NBEA: variants seen among roughly 807,000 people sequenced by gnomAD.
The protein encoded by NBEA is neurobeachin.
Under a neutral mutation model 343.4 loss-of-function variants are expected in NBEA, and 44 were observed. That is an observed-to-expected ratio of 0.13 (90% CI 0.10 to 0.16). The LOEUF is 0.16. NBEA is among the 10% of genes least tolerant of loss of function. The pLI is 1.00. For missense variants in NBEA, 2,555 were observed against 3,631.3 expected, an observed-to-expected ratio of 0.70 and a Z score of 7.62; for synonymous variants, 1,175 against 1,238.7, an observed-to-expected ratio of 0.95 and a Z score of 1.08.
At chr13:35,083,927 C>G (rs1395114592) in intron 10 of NBEA, among the ~76,000 whole-genome samples, 1 of 152,122 alleles carries the variant, frequency 6.6e-6, no homozygotes, top group African/African-American at 2.4e-5. Flanking sequence ...GATTGTGATC[C>G]TAGTCTCTGA....
Position 35,566,387 on chromosome 13 carries a change from A to G in NBEA, c.6923-518A>G, listed in dbSNP as rs576668082. ...AAATAAATAAATAAATAAATAAAAGATAAAATAGAATACCACCACATAAGC... is the reference window on the plus strand; with the variant it reads ...AAATAAATAAATAAATAAATAAAAGGTAAAATAGAATACCACCACATAAGC... On this transcript the variant is annotated intron_variant, in intron 44 of 58. Transcript: ENST00000379939. Among the ~76,000 whole-genome samples the G allele has an allele frequency of 9.8e-4, 149 of 152,224 alleles. 1 individual carries two copies. The highest frequency in any genetic ancestry group is 3.4e-3 in the African/African-American group (142 of 41,548).
chr13:35,320,577 G>A (rs570638660), intron 36 of NBEA, among the ~76,000 whole-genome samples: 1 of 152,092 alleles, frequency 6.6e-6, no homozygotes, highest in African/African-American at 2.4e-5. Flanking sequence ...TGTGTCTTGG[G>A]GTTGCTCTTC....
chr13:35,059,627 TG>T (rs2063392005), intron 8 of NBEA, among the ~76,000 whole-genome samples: 1 of 151,778 alleles, frequency 6.6e-6, no homozygotes, highest in Admixed American at 6.6e-5. Flanking sequence ...GGTTTTTTAT[TG>T]AACTCAATTT....
At chr13:35,184,103 G>T in intron 30 of NBEA, 32 bp downstream of exon 30, 1 of 1,460,778 alleles carries the variant, frequency 6.8e-7, no homozygotes, top group Non-Finnish European at 9.5e-7. Context: ...GACCTGTTTG[G>T]GTATTCTTAT....
In NBEA at chr13:35,667,514, A is replaced by G. The variant is rs950319135; in HGVS notation, c.8605A>G (p.Asn2869Asp). The G allele has an allele frequency of 3.7e-6, 6 of 1,613,900 alleles. No individual in the cohort carries two copies. In the African/African-American group the frequency reaches 8.0e-5, roughly 22 times the overall value. ...ATACTATGAACGAGGGCGATTCAGT[A>G]ATTTCAGCATTAATGGGAAACTTTT... ...IIYYERGRFSNFSINGKLLAQ... is the reference protein window; with the variant it reads ...IIYYERGRFSDFSINGKLLAQ... The change falls in exon 57 of 59, where the codon AAT (asparagine) becomes GAT (aspartate). Residue 2869 changes from asparagine (N) to aspartate (D), a missense_variant. Transcript: ENST00000379939.
At chr13:35,342,528 A>G (rs1594284689) in intron 36 of NBEA, among the ~76,000 whole-genome samples, 1 of 152,056 alleles carries the variant, frequency 6.6e-6, no homozygotes, top group Admixed American at 6.6e-5. Flanking sequence ...TACAAGGAGA[A>G]AAGTATGCAA....
chr13:34,981,471 C>G (rs1258134184), intron 1 of NBEA, among the ~76,000 whole-genome samples: 1 of 152,134 alleles, frequency 6.6e-6, no homozygotes, highest in African/African-American at 2.4e-5. Flanking sequence ...AGTGATTATA[C>G]CACTTTACAT....
chr13:35,347,345 G>GA (rs1294541246), intron 36 of NBEA, among the ~76,000 whole-genome samples: 2 of 151,766 alleles, frequency 1.3e-5, no homozygotes, highest in Non-Finnish European at 2.9e-5. Context: ...AATGAGCAGT[G>GA]AAAAAAAGTA....
At chr13:35,219,678 G>A (rs1160196158) in intron 33 of NBEA, among the ~76,000 whole-genome samples, 1 of 152,118 alleles carries the variant, frequency 6.6e-6, no homozygotes, top group Non-Finnish European at 1.5e-5. Context: ...AAAGTACCAA[G>A]GTCGGAGAAC....
At chr13:35,536,082 A>G (rs1422705785) in intron 41 of NBEA, among the ~76,000 whole-genome samples, 1 of 152,196 alleles carries the variant, frequency 6.6e-6, no homozygotes, top group African/African-American at 2.4e-5. Flanking sequence ...AACCCCAAGC[A>G]TGCACCTGTG....
rs1272272655 is a variant in NBEA at position 35,171,468 on chromosome 13, C to A, written c.4423+16C>A. On this transcript the variant is annotated intron_variant, in intron 26 of 58. Transcript: ENST00000379939. Reference sequence around the variant, plus strand: ...CTAAGATTAGGTAAGTCTGTTAAAACAATAGTGCATGTCAAATAATTATCT... The same window carrying A: ...CTAAGATTAGGTAAGTCTGTTAAAAAAATAGTGCATGTCAAATAATTATCT... The A allele has an allele frequency of 2.5e-6, 4 of 1,592,322 alleles. No individual in the cohort carries two copies. The highest frequency in any genetic ancestry group is 1.1e-5 in the South Asian group (1 of 88,486).
At chr13:35,391,906 C>T (rs2042517274) in intron 38 of NBEA, among the ~76,000 whole-genome samples, 1 of 152,038 alleles carries the variant, frequency 6.6e-6, no homozygotes. Context: ...GTTTTCTATA[C>T]AACTGAATTT....
intron 10 of NBEA, among the ~76,000 whole-genome samples, chr13:35,085,528 C>G (rs2064703455): frequency 6.6e-6 from 1 of 152,074 alleles, no homozygotes; most frequent in South Asian, 2.1e-4. Context: ...TGACAAAATT[C>G]AACAACCTTC....
intron 28 of NBEA, chr13:35,179,783 G>A: frequency 3.0e-6 from 3 of 984,762 alleles, no homozygotes; most frequent in South Asian, 9.4e-5. Flanking sequence ...TGAGCAATGT[G>A]TGAATCTGTT....
chr13:35,260,650 T>C (rs2033127222), intron 34 of NBEA, among the ~76,000 whole-genome samples: 1 of 152,236 alleles, frequency 6.6e-6, no homozygotes, highest in South Asian at 2.1e-4. Flanking sequence ...TTGAGAAATC[T>C]GCCTATAAGC....
intron 17 of NBEA, among the ~76,000 whole-genome samples, chr13:35,134,048 A>G (rs947950623): frequency 2.0e-5 from 3 of 152,084 alleles, no homozygotes; most frequent in Non-Finnish European, 4.4e-5. Context: ...CCTGAGGTTA[A>G]AAGTTCAAAA....
intron 8 of NBEA, among the ~76,000 whole-genome samples, chr13:35,064,859 C>T (rs899209260): frequency 6.6e-6 from 1 of 151,606 alleles, no homozygotes; most frequent in South Asian, 2.1e-4. Flanking sequence ...GAAAACCCTG[C>T]TGACACCCAT....
chr13:35,210,889 A>G (rs978014969), intron 32 of NBEA, among the ~76,000 whole-genome samples, 164 bp from the exon 33 acceptor site: 1 of 152,308 alleles, frequency 6.6e-6, no homozygotes, highest in East Asian at 1.9e-4. Flanking sequence ...TGTTATATAA[A>G]ATTATGTTCA....
intron 21 of NBEA, among the ~76,000 whole-genome samples, chr13:35,158,042 C>T (rs1158837950): frequency 6.6e-6 from 1 of 152,144 alleles, no homozygotes; most frequent in Non-Finnish European, 1.5e-5. Context: ...CTCTGCCGTT[C>T]AGTGTGAAAG....
Sources: allele counts gnomAD v4.1 joint callset (sites outside exome capture counted in the v4.1 genomes callset), GRCh38; gene constraint gnomAD v4.1.1; transcripts MANE v1.5; gene names NCBI Gene and HGNC (gene_info 2026-07-23, HGNC 2026-07-21).